The following IL1RAPL1 variants were observed in gnomAD, a reference collection of about 807,000 sequenced individuals.
The protein encoded by IL1RAPL1 is interleukin 1 receptor accessory protein like 1, also known as interleukin-1 receptor accessory protein-like 1.
Under a neutral mutation model 48.4 loss-of-function variants are expected in IL1RAPL1, and 3 were observed. The ratio of observed to expected loss-of-function variants is 0.06; its 90% CI spans 0.03 to 0.16. The LOEUF is 0.16. Ranked by LOEUF, IL1RAPL1 falls within the 10% of genes least tolerant of loss-of-function variation. The pLI, the probability that IL1RAPL1 is intolerant of heterozygous loss-of-function variation, is 1.00. For synonymous variants in IL1RAPL1, 185 were observed against 187.7 expected, an observed-to-expected ratio of 0.99 and a Z score of 0.12; for missense variants, 349 against 530.6, an observed-to-expected ratio of 0.66 and a Z score of 3.36.
chrX:29,588,944 G>A (rs970946930), intron 5 of IL1RAPL1, among the ~76,000 whole-genome samples: 12 of 111,787 alleles, frequency 1.1e-4, no homozygotes, highest in Non-Finnish European at 1.9e-4. Context: ...CAGATCCTAC[G>A]AGACAGGTAC....
intron 2 of IL1RAPL1, among the ~76,000 whole-genome samples, chrX:28,850,798 C>A (rs756801090): frequency 3.8e-4 from 41 of 108,769 alleles, no homozygotes; most frequent in Non-Finnish European, 5.9e-4. Context: ...GTTTTAAAAA[C>A]CTGATCTGTA....
At chrX:29,407,453 T>G (rs765134479) in intron 5 of IL1RAPL1, among the ~76,000 whole-genome samples, 36 of 112,329 alleles carry the variant, frequency 3.2e-4, no homozygotes, top group Non-Finnish European at 6.2e-4. Context: ...TGTTATTCCA[T>G]TCATCTGTAC....
chrX:28,847,473 C>G (rs186573581), intron 2 of IL1RAPL1, among the ~76,000 whole-genome samples: 425 of 111,560 alleles, frequency 3.8e-3, no homozygotes, highest in Non-Finnish European at 6.4e-3. Context: ...TCTTTTATCT[C>G]TCTCAGAATA....
chrX:29,941,472 G>T (rs1933126142), intron 8 of IL1RAPL1, among the ~76,000 whole-genome samples, 179 bp from the exon 9 acceptor site: 1 of 111,751 alleles, frequency 8.9e-6, no homozygotes, highest in African/African-American at 3.3e-5. Flanking sequence ...TAGTTACCAA[G>T]GAAACAGAGC....
intron 2 of IL1RAPL1, among the ~76,000 whole-genome samples, chrX:28,875,765 A>G (rs759200931): frequency 3.6e-5 from 4 of 111,758 alleles, no homozygotes; most frequent in Non-Finnish European, 7.5e-5. Context: ...GTAGTAACCC[A>G]ATTTTATTGA....
chrX:29,804,826 A>G (rs1159106741), intron 6 of IL1RAPL1, among the ~76,000 whole-genome samples: 1 of 112,312 alleles, frequency 8.9e-6, no homozygotes, highest in Non-Finnish European at 1.9e-5. Context: ...GAGAAAAGGA[A>G]GCTCAAGCTC....
At chrX:29,045,962 C>T (rs1409776715) in intron 2 of IL1RAPL1, among the ~76,000 whole-genome samples, 2 of 75,535 alleles carry the variant, frequency 2.6e-5, no homozygotes, top group South Asian at 9.6e-4. Flanking sequence ...CCTCCTCCTC[C>T]TCCTTCTTCT....
chrX:28,919,760 T>C (rs1438674025), intron 2 of IL1RAPL1, among the ~76,000 whole-genome samples: 4 of 112,153 alleles, frequency 3.6e-5, no homozygotes, highest in African/African-American at 1.3e-4. Context: ...ATGAATGCTA[T>C]AGCTGACAAA....
At chrX:29,784,552 T>C (rs1929447490) in intron 6 of IL1RAPL1, among the ~76,000 whole-genome samples, 1 of 111,570 alleles carries the variant, frequency 9.0e-6, no homozygotes, top group African/African-American at 3.3e-5. Flanking sequence ...AAAAATAAGA[T>C]TGTACTTTTG....
chrX:29,232,686 C>T (rs1461504383), intron 2 of IL1RAPL1, among the ~76,000 whole-genome samples: 1 of 112,089 alleles, frequency 8.9e-6, no homozygotes, highest in Non-Finnish European at 1.9e-5. Context: ...GTCTGTTATA[C>T]CTAGAGAGAA....
intron 1 of IL1RAPL1, among the ~76,000 whole-genome samples, chrX:28,782,458 A>G (rs957983219): frequency 3.6e-5 from 4 of 111,529 alleles, no homozygotes; most frequent in Non-Finnish European, 5.7e-5. Flanking sequence ...TACTACTAAT[A>G]AAAATTTTAC....
At chrX:29,109,690 T>C (rs1426220975) in intron 2 of IL1RAPL1, among the ~76,000 whole-genome samples, 2 of 110,919 alleles carry the variant, frequency 1.8e-5, no homozygotes, top group African/African-American at 6.5e-5. Context: ...TGTACTCGGA[T>C]TGATTTATTT....
At chrX:29,189,075 A>G (rs185979842) in intron 2 of IL1RAPL1, among the ~76,000 whole-genome samples, 1 of 112,285 alleles carries the variant, frequency 8.9e-6, no homozygotes, top group Admixed American at 9.4e-5. Context: ...TAATTGGTAT[A>G]GTTTAGATAG....
chrX:28,827,346 A>C (rs961586915), intron 2 of IL1RAPL1, among the ~76,000 whole-genome samples: 36 of 111,290 alleles, frequency 3.2e-4, no homozygotes, highest in African/African-American at 1.1e-3. Flanking sequence ...CTTTTTACTC[A>C]TTAGTCTAAT....
At chrX:28,961,724 G>A (rs755654152) in intron 2 of IL1RAPL1, among the ~76,000 whole-genome samples, 1 of 111,386 alleles carries the variant, frequency 9.0e-6, no homozygotes, top group East Asian at 2.8e-4. Flanking sequence ...ATTTTCTATG[G>A]CTGACTTTGT....
At chrX:29,222,603 G>C (rs991238919) in intron 2 of IL1RAPL1, among the ~76,000 whole-genome samples, 1 of 111,584 alleles carries the variant, frequency 9.0e-6, no homozygotes, top group Non-Finnish European at 1.9e-5. Flanking sequence ...TGCCTAACTT[G>C]AGTTGCCAAA....
chrX:29,360,343 C>T lies in IL1RAPL1; in HGVS notation c.363-35915C>T, dbSNP rs538390460. Among the ~76,000 whole-genome samples, 3 of 111,719 alleles carry T rather than the reference C, an allele frequency of 2.7e-5. No individual in the cohort carries two copies. In the South Asian group the frequency reaches 1.1e-3, roughly 42 times the overall value. On this transcript the variant is annotated intron_variant, in intron 3 of 10. Coordinates refer to ENST00000378993, the MANE Select transcript of IL1RAPL1 (RefSeq NM_014271.4). ...ACACTAAACCTGTAAGCATTCCCAA[C>T]AGGACACATGGGTTTCCATGATTCA...
chrX:29,620,966 T>G (rs973906089), intron 5 of IL1RAPL1, among the ~76,000 whole-genome samples: 1 of 112,117 alleles, frequency 8.9e-6, no homozygotes, highest in Non-Finnish European at 1.9e-5. Flanking sequence ...GAACCTTCTT[T>G]AAATAGAAAG....
intron 1 of IL1RAPL1, among the ~76,000 whole-genome samples, chrX:28,664,815 C>T (rs941037323): frequency 9.0e-6 from 1 of 111,606 alleles, no homozygotes; most frequent in African/African-American, 3.3e-5. Context: ...GGCTTGTTGC[C>T]ATTACACAAC....
Sources: gnomAD v4.1 joint callset for allele counts (sites outside exome capture counted in the v4.1 genomes callset) on GRCh38, gnomAD v4.1.1 for gene constraint, MANE v1.5 for transcripts, NCBI Gene and HGNC (gene_info 2026-07-23, HGNC 2026-07-21) for gene names.